The following ENOX1 variants were observed in gnomAD, a reference collection of about 807,000 sequenced individuals.
ENOX1 encodes ecto-NOX disulfide-thiol exchanger 1, also known as candidate growth-related and time keeping constitutive hydroquinone (NADH) oxidase.
Under a neutral mutation model 82.5 loss-of-function variants are expected in ENOX1, and 42 were observed. The ratio of observed to expected loss-of-function variants is 0.51; its 90% CI spans 0.40 to 0.66. The LOEUF (loss-of-function observed/expected upper bound fraction) is 0.66. Among genes scored for constraint, ENOX1 ranks in the 30% least tolerant of loss-of-function variants. The pLI is 0.00. For synonymous variants in ENOX1, 271 were observed against 282.2 expected (o/e 0.96, Z 0.40); for missense variants, 608 against 811.6 (o/e 0.75, Z 3.05).
chr13:43,514,334 A>G (rs2077480318), intron 2 of ENOX1, among the ~76,000 whole-genome samples: 1 of 152,192 alleles, frequency 6.6e-6, no homozygotes, highest in Non-Finnish European at 1.5e-5. Flanking sequence ...TATTTCAGGA[A>G]AGAGTCATTT....
At chr13:43,554,948 A>G (rs2079367421) in intron 2 of ENOX1, among the ~76,000 whole-genome samples, 1 of 152,186 alleles carries the variant, frequency 6.6e-6, no homozygotes, top group African/African-American at 2.4e-5. Flanking sequence ...CTTATTTTCA[A>G]AACTGAACTA....
chr13:43,694,716 C>G (rs2086547556), intron 1 of ENOX1, among the ~76,000 whole-genome samples: 1 of 152,144 alleles, frequency 6.6e-6, no homozygotes, highest in Non-Finnish European at 1.5e-5. Context: ...GTGGTTAAAG[C>G]AGTCACTGGC....
At chr13:43,575,600 A>G (rs2080387269) in intron 2 of ENOX1, among the ~76,000 whole-genome samples, 1 of 152,232 alleles carries the variant, frequency 6.6e-6, no homozygotes, top group Non-Finnish European at 1.5e-5. Context: ...AATCTTCTCA[A>G]GAGGATTATA....
intron 2 of ENOX1, among the ~76,000 whole-genome samples, chr13:43,500,969 T>A (rs1225708727): frequency 1.3e-5 from 2 of 151,648 alleles, no homozygotes; most frequent in Non-Finnish European, 3.0e-5. Flanking sequence ...AAAGCTCACA[T>A]AATAAAACAG....
At chr13:43,265,321 G>T in intron 14 of ENOX1, 77 bp downstream of exon 14, 2 of 1,227,380 alleles carry the variant, frequency 1.6e-6, no homozygotes, top group South Asian at 1.4e-5. Flanking sequence ...CCTTTATGTG[G>T]TAGATAAAGT....
intron 11 of ENOX1, among the ~76,000 whole-genome samples, chr13:43,299,137 A>C (rs2046433246): frequency 6.6e-6 from 1 of 152,174 alleles, no homozygotes; most frequent in Non-Finnish European, 1.5e-5. Flanking sequence ...CTTTTCCTCT[A>C]CAAGGCTGAG....
intron 2 of ENOX1, among the ~76,000 whole-genome samples, chr13:43,600,953 C>T (rs1229596260): frequency 6.6e-6 from 1 of 152,186 alleles, no homozygotes; most frequent in African/African-American, 2.4e-5. Context: ...AGTCTGCAAG[C>T]GTCACAGCTT....
chr13:43,447,060 C>T (rs2153627936), intron 3 of ENOX1, among the ~76,000 whole-genome samples: 1 of 152,316 alleles, frequency 6.6e-6, no homozygotes, highest in South Asian at 2.1e-4. Context: ...AAGAAAACAT[C>T]TAGAATATTT....
intron 3 of ENOX1, among the ~76,000 whole-genome samples, chr13:43,416,902 G>A (rs1327182608): frequency 5.9e-5 from 9 of 152,220 alleles, no homozygotes; most frequent in African/African-American, 2.2e-4. Flanking sequence ...TCACGCCACT[G>A]CACTCCAGCC....
intron 2 of ENOX1, among the ~76,000 whole-genome samples, chr13:43,518,134 T>C (rs1234945771): frequency 6.6e-6 from 1 of 152,104 alleles, no homozygotes; most frequent in Non-Finnish European, 1.5e-5. Flanking sequence ...AAAACCAATC[T>C]AAGAAGTGCA....
chr13:43,587,760 T>C (rs2081060822), intron 2 of ENOX1, among the ~76,000 whole-genome samples: 1 of 152,214 alleles, frequency 6.6e-6, no homozygotes. Flanking sequence ...TTTAAACATG[T>C]TATATATTTA....
intron 1 of ENOX1, among the ~76,000 whole-genome samples, chr13:43,690,412 G>A (rs1408584741): frequency 6.6e-6 from 1 of 151,962 alleles, no homozygotes; most frequent in African/African-American, 2.4e-5. Flanking sequence ...GAACACCATG[G>A]TGTTCAATAA....
intron 11 of ENOX1, among the ~76,000 whole-genome samples, chr13:43,318,629 T>C (rs113626089): frequency 2.0e-5 from 3 of 152,212 alleles, no homozygotes; most frequent in African/African-American, 7.2e-5. Context: ...CCTATCAACT[T>C]CTGGGACAAA....
chr13:43,736,253 T>G (rs1328888774), intron 1 of ENOX1, among the ~76,000 whole-genome samples: 2 of 152,192 alleles, frequency 1.3e-5, no homozygotes, highest in African/African-American at 4.8e-5. Flanking sequence ...ACAAGAAAAT[T>G]ATCAAAAATT....
At chr13:43,387,289 T>G (rs2052477529) in intron 5 of ENOX1, among the ~76,000 whole-genome samples, 1 of 152,134 alleles carries the variant, frequency 6.6e-6, no homozygotes, top group African/African-American at 2.4e-5. Flanking sequence ...TTTGATTGGT[T>G]AAGATGGTCT....
intron 2 of ENOX1, among the ~76,000 whole-genome samples, chr13:43,558,732 T>G (rs1164896224): frequency 6.6e-6 from 1 of 152,152 alleles, no homozygotes. Flanking sequence ...GAATTATAGA[T>G]GAGAAATCAA....
chr13:43,630,919 ATGTGTGTGTGTGTTTGTG>A (rs2083186361), intron 2 of ENOX1, among the ~76,000 whole-genome samples: 2 of 134,774 alleles, frequency 1.5e-5, no homozygotes, highest in African/African-American at 5.0e-5. Flanking sequence ...GTGTGCGTAT[ATGTGTGTGTGTGTTTGTG>A]TGTGTGTGTG....
intron 14 of ENOX1, among the ~76,000 whole-genome samples, chr13:43,258,110 C>G (rs1445911778): frequency 1.3e-5 from 2 of 152,236 alleles, no homozygotes; most frequent in Non-Finnish European, 2.9e-5. Context: ...ACATAGTCAG[C>G]TGGCATTGAG....
At chr13:43,417,697 T>G (rs1349995413) in intron 3 of ENOX1, among the ~76,000 whole-genome samples, 1 of 152,198 alleles carries the variant, frequency 6.6e-6, no homozygotes, top group Non-Finnish European at 1.5e-5. Context: ...AATAAAGCAC[T>G]CTGAATACAG....
Sources: gnomAD v4.1 joint callset for allele counts (sites outside exome capture counted in the v4.1 genomes callset) on GRCh38, gnomAD v4.1.1 for gene constraint, MANE v1.5 for transcripts, NCBI Gene and HGNC (gene_info 2026-07-23, HGNC 2026-07-21) for gene names.